The following LRRK1 variants were observed in gnomAD, a reference collection of about 807,000 sequenced individuals.
The protein encoded by LRRK1 is leucine rich repeat kinase 1.
A neutral mutation model predicts 209.1 loss-of-function variants in LRRK1; 113 were observed. The ratio of observed to expected loss-of-function variants is 0.54; its 90% CI spans 0.46 to 0.63. The LOEUF is 0.63. Among genes scored for constraint, LRRK1 ranks in the 30% least tolerant of loss-of-function variants. The probability of loss-of-function intolerance (pLI) is 0.00; values close to 1 mark genes in which losing one functional copy is unlikely to be tolerated. For missense variants in LRRK1, 2,284 were observed against 2,632.2 expected (o/e 0.87, Z 2.89); for synonymous variants, 1,144 against 1,099.7 (o/e 1.04, Z -0.80).
chr15:100,955,173 A>G (rs1309536636), intron 2 of LRRK1, among the ~76,000 whole-genome samples: 1 of 152,058 alleles, frequency 6.6e-6, no homozygotes, highest in Non-Finnish European at 1.5e-5. Context: ...TGTCTTTTTC[A>G]ATTTCTTTCA....
At chr15:101,057,117 G>A in intron 28 of LRRK1, 67 bp downstream of exon 28, 4 of 1,422,766 alleles carry the variant, frequency 2.8e-6, no homozygotes, top group South Asian at 1.4e-5. Context: ...GGGTCCCCAG[G>A]GGGTGTGTGC....
At chr15:101,012,887 C>T (rs981044689) in intron 10 of LRRK1, among the ~76,000 whole-genome samples, 5 of 151,614 alleles carry the variant, frequency 3.3e-5, no homozygotes, top group African/African-American at 7.3e-5. Context: ...AAAGGAGCCA[C>T]GCGGGGTGCC....
Position 101,008,845 on chromosome 15 carries a change from T to A in LRRK1, c.771T>A (p.Arg257=). The A allele has an allele frequency of 6.2e-7, 1 of 1,613,112 alleles. No homozygotes were observed. Among genetic ancestry groups the A allele is most frequent in the East Asian group, 2.2e-5 (1 of 44,872 alleles). Residue 257 remains arginine, a synonymous_variant, in exon 7 of 34, where the codon CGT becomes CGA. Coordinates refer to ENST00000388948, the MANE Select transcript of LRRK1 (RefSeq NM_024652.6). ...PSSYPGKTAL[R]VKWSHLRLPW... ...TTTCTTTCCACCACCAGGCTCTCCG[T>A]GTGAAATGGTCCCATCTCAGACTGC...
chr15:100,963,534 C>G (rs932947026), intron 2 of LRRK1, among the ~76,000 whole-genome samples: 1 of 152,230 alleles, frequency 6.6e-6, no homozygotes, highest in African/African-American at 2.4e-5. Flanking sequence ...TTGGGCACCA[C>G]CCTGCTCTAC....
intron 2 of LRRK1, among the ~76,000 whole-genome samples, chr15:100,941,328 C>CTT (rs2042408341): frequency 1.2e-5 from 1 of 82,634 alleles, no homozygotes; most frequent in Non-Finnish European, 2.4e-5. Context: ...GTGTGTGTGT[C>CTT]TGTGTCTCTG....
At position 101,057,881 on chromosome 15, in the gene LRRK1, C is replaced by T. The variant is rs755018732; in HGVS notation, c.4528-109C>T. 13 of 1,212,812 alleles carry T rather than the reference C, an allele frequency of 1.1e-5. No homozygotes were observed. The East Asian group carries it at 3.0e-4, about 28-fold the overall frequency. 75.1% of individuals were successfully genotyped at this position (1,212,812 alleles called of 1,614,324 possible). ...CTTGTTTGGATCTAGTCTGAATGAA[C>T]AGAATCCCTCATTCCTCCCTGGTTG... On this transcript the variant is annotated intron_variant, in intron 28 of 33. Coordinates refer to ENST00000388948, the MANE Select transcript of LRRK1 (RefSeq NM_024652.6).
At chr15:100,974,442 G>A (rs947467099) in intron 3 of LRRK1, among the ~76,000 whole-genome samples, 2 of 152,202 alleles carry the variant, frequency 1.3e-5, no homozygotes, top group Admixed American at 6.5e-5. Context: ...CATGGTTGTT[G>A]TTGTTGTTTC....
chr15:100,942,103 G>A (rs995436357), intron 2 of LRRK1, among the ~76,000 whole-genome samples: 7 of 152,194 alleles, frequency 4.6e-5, no homozygotes, highest in African/African-American at 1.4e-4. Flanking sequence ...GGCTGCAGCC[G>A]GGCTCAGCCT....
chr15:101,031,583 T>G (rs1422352129), intron 20 of LRRK1, among the ~76,000 whole-genome samples: 5 of 152,198 alleles, frequency 3.3e-5, no homozygotes. Context: ...TTAAGTCTTT[T>G]TGGAGACACA....
At chr15:100,961,553 T>C (rs572867904) in intron 2 of LRRK1, among the ~76,000 whole-genome samples, 6 of 151,266 alleles carry the variant, frequency 4.0e-5, no homozygotes, top group African/African-American at 1.5e-4. Flanking sequence ...CTCGGGAGGC[T>C]GAGGCAGGAG....
intron 12 of LRRK1, among the ~76,000 whole-genome samples, chr15:101,019,634 G>C (rs2033688625): frequency 6.6e-6 from 1 of 152,218 alleles, no homozygotes; most frequent in African/African-American, 2.4e-5. Context: ...CCAGAGCCGA[G>C]GCGGGGTAGC....
chr15:100,951,233 C>T (rs2042645494), intron 2 of LRRK1, among the ~76,000 whole-genome samples: 1 of 152,186 alleles, frequency 6.6e-6, no homozygotes, highest in Non-Finnish European at 1.5e-5. Flanking sequence ...GCAAAACCAC[C>T]ATGAGATACC....
At position 101,027,667 on chromosome 15, in the gene LRRK1, G is replaced by C; in HGVS notation, c.2556G>C (p.Glu852Asp). ...LIPRSYLSLQ[E>D]AVLAEQQRRS... ...CCAGGAGCTACCTGAGCCTGCAGGA[G>C]GCCGTGCTGGCAGAGCAGCAGCGCC... The change falls in exon 19 of 34, where the codon GAG (glutamate) becomes GAC (aspartate). Residue 852 changes from glutamate to aspartate, a missense_variant. By Grantham distance (45) the Glu-to-Asp change is conservative. Around this residue, in one of 6 missense-constraint regions of LRRK1, gnomAD observed 780 missense variants for 985.2 expected, o/e 0.79. Coordinates refer to ENST00000388948, the MANE Select transcript of LRRK1 (RefSeq NM_024652.6). This position sits in a 1 kb window ranked among gnomAD's most constrained non-coding sequence, Gnocchi z 5.1. 3 of 1,613,142 alleles carry C rather than the reference G, an allele frequency of 1.9e-6. No individual in the cohort carries two copies. Among genetic ancestry groups the C allele is most frequent in the Non-Finnish European group, 2.5e-6 (3 of 1,179,712 alleles).
intron 2 of LRRK1, among the ~76,000 whole-genome samples, chr15:100,925,998 T>C (rs2141592537): frequency 6.6e-6 from 1 of 152,350 alleles, no homozygotes; most frequent in East Asian, 1.9e-4. Flanking sequence ...TGTACCTGGC[T>C]TGGCAGACAC....
In LRRK1 at chr15:101,029,128, C is replaced by T; in HGVS notation, c.2859C>T (p.Asp953=). 1.9e-6 allele frequency: 3 copies of T among 1,614,200 alleles called. No individual in the cohort carries two copies. The highest frequency in any genetic ancestry group is 2.5e-6 in the Non-Finnish European group (3 of 1,180,042). The part of the protein sequence containing the change: ...VAKNGVIRAE[D]LRMLLVGTGF... ...AGAATGGGGTGATCAGAGCAGAAGA[C>T]CTCAGGATGCTGCTGGTGGGGACTG... Residue 953 remains aspartate (D), a synonymous_variant, in exon 20 of 34, where the codon GAC becomes GAT. Transcript: ENST00000388948.
chr15:101,039,047 A>G (rs1220184603), intron 20 of LRRK1, among the ~76,000 whole-genome samples: 1 of 152,214 alleles, frequency 6.6e-6, no homozygotes, highest in Non-Finnish European at 1.5e-5. Flanking sequence ...ATTATTCAGC[A>G]TATGACACCC....
chr15:101,066,324 C>G, intron 32 of LRRK1, 119 bp downstream of exon 32: 1 of 1,357,780 alleles, frequency 7.4e-7, no homozygotes. Flanking sequence ...AGGTGCTGTT[C>G]TTCCAAGAGG....
intron 12 of LRRK1, 137 bp from the exon 13 acceptor site, chr15:101,020,916 G>T: frequency 1.2e-6 from 1 of 834,188 alleles, no homozygotes; most frequent in South Asian, 1.6e-5. Context: ...CTAGGTCGAT[G>T]AGGTGAGCAT....
At chr15:100,976,700 G>C (rs1239009667) in intron 3 of LRRK1, among the ~76,000 whole-genome samples, 7 of 151,884 alleles carry the variant, frequency 4.6e-5, no homozygotes, top group Non-Finnish European at 1.5e-5. Context: ...AGATTTACTT[G>C]AAAAAAAATT....
Sources: allele counts gnomAD v4.1 joint callset (sites outside exome capture counted in the v4.1 genomes callset), GRCh38; gene constraint gnomAD v4.1.1; regional missense constraint gnomAD v4.1.1; non-coding constraint Gnocchi (gnomAD v3.1); transcripts MANE v1.5; gene names NCBI Gene and HGNC (gene_info 2026-07-23, HGNC 2026-07-21).